Variants in PPP1R12B observed in about 807,000 individuals in gnomAD.
The protein encoded by PPP1R12B is myosin phosphatase target subunit 2.
In PPP1R12B, 76 loss-of-function variants were observed where a neutral mutation model predicts 126.1. The observed-to-expected ratio is 0.60, with a 90% confidence interval of 0.50 to 0.73. PPP1R12B has a LOEUF of 0.73. PPP1R12B is among the 30% of genes least tolerant of loss of function. The probability of loss-of-function intolerance (pLI) is 0.00; values close to 1 mark genes in which losing one functional copy is unlikely to be tolerated. For synonymous variants in PPP1R12B, 356 were observed against 434.7 expected (o/e 0.82, Z 2.25); for missense variants, 1,052 against 1,205.1 (o/e 0.87, Z 1.88).
intron 15 of PPP1R12B, 74 bp downstream of exon 15, chr1:202,493,391 T>A: frequency 6.9e-7 from 1 of 1,442,366 alleles, no homozygotes; most frequent in Non-Finnish European, 9.4e-7. Flanking sequence ...TCTTCACTGG[T>A]AGTTCAAAGG....
At chr1:202,510,592 A>G (rs1310937921) in intron 18 of PPP1R12B, among the ~76,000 whole-genome samples, 1 of 152,162 alleles carries the variant, frequency 6.6e-6, no homozygotes, top group Non-Finnish European at 1.5e-5. Context: ...TCCTCCCGAA[A>G]TACACATTTA....
rs74903791 is a variant in PPP1R12B, at chr1:202,556,601, A to G, written c.2491-2276A>G. On this transcript the variant is annotated intron_variant, in intron 18 of 23. Coordinates refer to ENST00000608999, the MANE Select transcript of PPP1R12B (RefSeq NM_002481.4). ...CTAATATGATCTTCCCAAAACTCCT[A>G]TCTTTTAGGAGGTTTTCTTAGTTGG... 8.3e-3 allele frequency among the ~76,000 whole-genome samples: 1,267 copies of G among 152,232 alleles called. 20 individuals carry two copies. Among genetic ancestry groups the G allele is most frequent in the African/African-American group, 0.028 (1,171 of 41,516 alleles).
chr1:202,439,580 G>T, intron 10 of PPP1R12B: 1 of 1,321,148 alleles, frequency 7.6e-7, no homozygotes, highest in Non-Finnish European at 1.1e-6. Context: ...CACCCAGGTG[G>T]CCGCCACCCC....
intron 1 of PPP1R12B, among the ~76,000 whole-genome samples, chr1:202,410,712 A>G (rs1048543392): frequency 2.6e-5 from 4 of 152,196 alleles, no homozygotes; most frequent in Non-Finnish European, 5.9e-5. Context: ...CTTGGAGATT[A>G]TCATTGCCAG....
At chr1:202,463,701 A>G (rs1042109970) in intron 13 of PPP1R12B, among the ~76,000 whole-genome samples, 6 of 152,222 alleles carry the variant, frequency 3.9e-5, no homozygotes, top group Non-Finnish European at 7.3e-5. Flanking sequence ...TTCCATGTGT[A>G]TAAGATGAGA....
At chr1:202,562,518 T>A (rs705750) in intron 19 of PPP1R12B, 5 of 564,870 alleles carry the variant, frequency 8.9e-6, no homozygotes, top group East Asian at 4.0e-5. Flanking sequence ...TTAAGTCAGC[T>A]CATAGGTCCA....
chr1:202,540,904 TTG>T (rs985615603), intron 18 of PPP1R12B, among the ~76,000 whole-genome samples: 4 of 152,154 alleles, frequency 2.6e-5, no homozygotes, highest in African/African-American at 9.7e-5. Context: ...ATGGAGGTGT[TTG>T]TGATGTCCTA....
At chr1:202,350,231 T>G (rs994963557) in intron 1 of PPP1R12B, among the ~76,000 whole-genome samples, 1 of 152,230 alleles carries the variant, frequency 6.6e-6, no homozygotes, top group Admixed American at 6.5e-5. Flanking sequence ...TCTTTCACCC[T>G]ATTTTGTACC....
intron 19 of PPP1R12B, among the ~76,000 whole-genome samples, chr1:202,561,354 C>T (rs1184229008): frequency 6.7e-6 from 1 of 148,818 alleles, no homozygotes; most frequent in Non-Finnish European, 1.5e-5. Flanking sequence ...GTTAAATTAT[C>T]TTACAGGCAT....
Position 202,584,495 on chromosome 1 carries a change from G to A in PPP1R12B, c.*3935G>A, listed in dbSNP as rs899090558. The A allele has an allele frequency of 6.6e-6, 1 of 152,238 alleles. No homozygotes were observed. Among genetic ancestry groups the A allele is most frequent in the African/African-American group, 2.4e-5 (1 of 41,458 alleles). 9.4% of individuals were successfully genotyped at this position (152,238 alleles called of 1,614,324 possible). A position where few individuals can be genotyped will look rare whatever the true frequency, so the allele number is the denominator to read the frequency against. On this transcript the variant is annotated 3_prime_UTR_variant, in exon 24 of 24. Coordinates refer to ENST00000608999, the MANE Select transcript of PPP1R12B (RefSeq NM_002481.4). The stretch of plus-strand genomic sequence containing the variant: ...ACTAGAGGCATTTAATTGAGCCAAA[G>A]ATGATGGAAGAAGAAACTCTCAAAG...
At chr1:202,542,987 T>A (rs1558352852) in intron 18 of PPP1R12B, among the ~76,000 whole-genome samples, 1 of 152,278 alleles carries the variant, frequency 6.6e-6, no homozygotes, top group East Asian at 1.9e-4. Flanking sequence ...CAGCCAGCAT[T>A]TAGAAGTTTG....
At chr1:202,548,798 CTCTCTCTCTCTATATA>C (rs1198593928) in intron 18 of PPP1R12B, among the ~76,000 whole-genome samples, 27 of 109,034 alleles carry the variant, frequency 2.5e-4, no homozygotes, top group Middle Eastern at 4.3e-3. Flanking sequence ...CTCTCTCTCT[CTCTCTCTCTCTATATA>C]TATATATATA....
chr1:202,526,937 A>C (rs1683409699), intron 18 of PPP1R12B, among the ~76,000 whole-genome samples: 1 of 152,202 alleles, frequency 6.6e-6, no homozygotes, highest in Non-Finnish European at 1.5e-5. Context: ...AGAGTAGCTA[A>C]AGAGAGAAAA....
At chr1:202,371,172 C>T (rs1158656702) in intron 1 of PPP1R12B, among the ~76,000 whole-genome samples, 1 of 149,532 alleles carries the variant, frequency 6.7e-6, no homozygotes, top group African/African-American at 2.5e-5. Flanking sequence ...TGCACCACCA[C>T]ACCCAGCTAT....
intron 18 of PPP1R12B, among the ~76,000 whole-genome samples, chr1:202,523,085 T>A (rs563484176): frequency 6.6e-6 from 1 of 152,324 alleles, no homozygotes; most frequent in South Asian, 2.1e-4. Flanking sequence ...AGGGCGTGTG[T>A]ATTGTGACCA....
intron 18 of PPP1R12B, among the ~76,000 whole-genome samples, chr1:202,507,206 C>G (rs1327144133): frequency 6.6e-6 from 1 of 152,214 alleles, no homozygotes; most frequent in Non-Finnish European, 1.5e-5. Flanking sequence ...ATGCGTACAT[C>G]ATGCTACACG....
chr1:202,434,215 G>T lies in PPP1R12B; in HGVS notation c.1142-441G>T, dbSNP rs1670528974. 3.3e-5 allele frequency among the ~76,000 whole-genome samples: 5 copies of T among 152,184 alleles called. No homozygotes were observed. In the South Asian group the frequency reaches 1.0e-3, roughly 32 times the overall value. On this transcript the variant is annotated intron_variant, in intron 8 of 23. Coordinates refer to ENST00000608999, the MANE Select transcript of PPP1R12B (RefSeq NM_002481.4). ...GAATGGGAAATTGACACTGTAGGAG[G>T]TTAGGTGAATTAGGTTTCATAGCTG... is the stretch of plus-strand genomic sequence containing the variant.
chr1:202,389,472 G>A (rs138533062), intron 1 of PPP1R12B, among the ~76,000 whole-genome samples: 4,029 of 151,722 alleles, frequency 0.027, 75 homozygotes, highest in South Asian at 0.042. Flanking sequence ...GTGAAACCCC[G>A]TCTCTACTAA....
intron 10 of PPP1R12B, chr1:202,438,330 A>AG (rs1671100545): frequency 1.1e-5 from 13 of 1,230,244 alleles, no homozygotes; most frequent in South Asian, 1.0e-4. Context: ...AGTATGGCGG[A>AG]GGGGGGCACA....
Sources: allele counts gnomAD v4.1 joint callset (sites outside exome capture counted in the v4.1 genomes callset), GRCh38; gene constraint gnomAD v4.1.1; transcripts MANE v1.5; gene names NCBI Gene and HGNC (gene_info 2026-07-23, HGNC 2026-07-21).